NTM: variants seen among roughly 807,000 people sequenced by gnomAD.
NTM encodes neurotrimin.
A neutral mutation model predicts 42.1 loss-of-function variants in NTM; 13 were observed. The ratio of observed to expected loss-of-function variants is 0.31; its 90% confidence interval spans 0.20 to 0.49. The LOEUF (loss-of-function observed/expected upper bound fraction) is 0.49, where lower values mean the gene tolerates loss of function less well. NTM is among the 20% of genes least tolerant of loss of function. The pLI is 0.99. For synonymous variants in NTM, 187 were observed against 179.2 expected, an observed-to-expected ratio of 1.04 and a Z score of -0.35; for missense variants, 373 against 452.8, an observed-to-expected ratio of 0.82 and a Z score of 1.60.
intron 2 of NTM, among the ~76,000 whole-genome samples, chr11:131,998,371 C>T (rs2068494800): frequency 6.6e-6 from 1 of 152,070 alleles, no homozygotes; most frequent in Non-Finnish European, 1.5e-5. Flanking sequence ...CGGCATGTGG[C>T]AGGGGGAAGG....
At chr11:132,082,764 G>A (rs1436813413) in intron 2 of NTM, among the ~76,000 whole-genome samples, 1 of 152,224 alleles carries the variant, frequency 6.6e-6, no homozygotes, top group Non-Finnish European at 1.5e-5. Flanking sequence ...AGAGGCCTAA[G>A]GGTCCCTGGT....
In NTM at chr11:131,540,041, T is replaced by C. The variant is rs184019788; in HGVS notation, c.82+169153T>C. Among the ~76,000 whole-genome samples, 4 of 152,216 alleles carry C rather than the reference T, an allele frequency of 2.6e-5. No homozygotes were observed. In the East Asian group the frequency reaches 7.7e-4, roughly 29 times the overall value. On this transcript the variant is annotated intron_variant, in intron 1 of 8. Transcript: ENST00000683400. ...GCTCACTACGGTCCTGTCACAACAATGTGGGAACATGCTGTGGAGTCCCTT... is the reference window on the plus strand; with the variant it reads ...GCTCACTACGGTCCTGTCACAACAACGTGGGAACATGCTGTGGAGTCCCTT...
chr11:132,334,014 G>C (rs1184456292), intron 8 of NTM, among the ~76,000 whole-genome samples: 2 of 152,182 alleles, frequency 1.3e-5, no homozygotes, highest in East Asian at 3.9e-4. Context: ...TGGACTTAGT[G>C]AGGCCACCAG....
intron 1 of NTM, among the ~76,000 whole-genome samples, chr11:131,691,712 C>T (rs533933614): frequency 8.5e-5 from 13 of 152,310 alleles, no homozygotes; most frequent in African/African-American, 3.1e-4. Context: ...CCAGGTGGCG[C>T]TGGCGCGTTC....
chr11:131,646,948 CTCTAGG>C (rs2065843435), intron 1 of NTM, among the ~76,000 whole-genome samples: 2 of 152,190 alleles, frequency 1.3e-5, no homozygotes, highest in South Asian at 2.1e-4. Context: ...GCATGTAAAG[CTCTAGG>C]TCCAGAATTA....
intron 4 of NTM, among the ~76,000 whole-genome samples, chr11:132,227,492 T>C (rs1045578150): frequency 2.0e-5 from 3 of 151,910 alleles, no homozygotes; most frequent in East Asian, 3.9e-4. Context: ...GAGTTCAGGA[T>C]TTTTTCCTCT....
chr11:132,064,978 G>A (rs2136072282), intron 2 of NTM, among the ~76,000 whole-genome samples: 1 of 152,330 alleles, frequency 6.6e-6, no homozygotes, highest in South Asian at 2.1e-4. Flanking sequence ...TGACAAGGAT[G>A]TGTGTGTATG....
At chr11:131,951,639 T>C (rs1219169600) in intron 2 of NTM, among the ~76,000 whole-genome samples, 1 of 152,032 alleles carries the variant, frequency 6.6e-6, no homozygotes, top group African/African-American at 2.4e-5. Flanking sequence ...CTGACCAATA[T>C]GGTGAAACCC....
intron 1 of NTM, among the ~76,000 whole-genome samples, chr11:131,378,866 C>T (rs1045616323): frequency 2.1e-4 from 32 of 152,222 alleles, no homozygotes; most frequent in African/African-American, 7.5e-4. Flanking sequence ...CTCCCTCCTT[C>T]TCATGGTCAA....
At chr11:132,317,634 T>G (rs1341845796) in intron 7 of NTM, 1 of 1,297,712 alleles carries the variant, frequency 7.7e-7, no homozygotes, top group Admixed American at 2.3e-5. Flanking sequence ...TTCTCTCCTG[T>G]GTGTCCCTCA....
chr11:131,408,901 C>T (rs568179602), intron 1 of NTM, among the ~76,000 whole-genome samples: 207 of 152,290 alleles, frequency 1.4e-3, no homozygotes, highest in Non-Finnish European at 2.6e-3. Context: ...ACTCCAGAGG[C>T]ATCATATCAT....
At chr11:131,790,538 T>C (rs2090781834) in intron 1 of NTM, among the ~76,000 whole-genome samples, 1 of 152,154 alleles carries the variant, frequency 6.6e-6, no homozygotes, top group African/African-American at 2.4e-5. Flanking sequence ...GAAGGATGCA[T>C]CCCATGTATT....
chr11:131,628,078 G>T (rs1046779939), intron 1 of NTM, among the ~76,000 whole-genome samples: 1 of 152,128 alleles, frequency 6.6e-6, no homozygotes, highest in African/African-American at 2.4e-5. Context: ...ACTATTCCAG[G>T]CTGTGAAACT....
chr11:131,896,267 C>T (rs2052249524), intron 1 of NTM, among the ~76,000 whole-genome samples: 1 of 152,136 alleles, frequency 6.6e-6, no homozygotes, highest in African/African-American at 2.4e-5. Flanking sequence ...TAACACCTAT[C>T]ACATACTTCA....
intron 1 of NTM, among the ~76,000 whole-genome samples, chr11:131,881,508 A>ACC (rs869170505): frequency 1.9e-4 from 22 of 116,288 alleles, no homozygotes; most frequent in African/African-American, 3.6e-4. Flanking sequence ...ACACACACAC[A>ACC]CCCCCCAAAG....
At chr11:131,453,616 C>A (rs1950648220) in intron 1 of NTM, among the ~76,000 whole-genome samples, 1 of 152,174 alleles carries the variant, frequency 6.6e-6, no homozygotes, top group South Asian at 2.1e-4. Context: ...CACAAGGAGC[C>A]TTCTGGAATA....
intron 2 of NTM, among the ~76,000 whole-genome samples, chr11:132,101,669 C>T (rs1273020020): frequency 6.6e-6 from 1 of 151,934 alleles, no homozygotes; most frequent in South Asian, 2.1e-4. Context: ...TATTTCTCAC[C>T]GAGCTCTTCC....
chr11:132,177,820 C>A (rs1043971203), intron 3 of NTM, among the ~76,000 whole-genome samples: 1 of 152,224 alleles, frequency 6.6e-6, no homozygotes, highest in Non-Finnish European at 1.5e-5. Flanking sequence ...ATGACTAATG[C>A]ACTCATCCTG....
intron 6 of NTM, 29 bp downstream of exon 6, chr11:132,310,261 C>G: frequency 6.5e-7 from 1 of 1,549,432 alleles, no homozygotes; most frequent in Middle Eastern, 1.7e-4. Flanking sequence ...CTATCCCACC[C>G]CTACCCCCAT....
Sources: gnomAD v4.1 joint callset for allele counts (sites outside exome capture counted in the v4.1 genomes callset) on GRCh38, gnomAD v4.1.1 for gene constraint, MANE v1.5 for transcripts, NCBI Gene and HGNC (gene_info 2026-07-23, HGNC 2026-07-21) for gene names.